The following WHAMM variants were observed in gnomAD, a reference collection of about 807,000 sequenced individuals.
WHAMM encodes the protein WASP homolog associated with actin, golgi membranes and microtubules, also known as WASP homolog-associated protein with actin, membranes and microtubules.
Under a neutral mutation model 76.5 loss-of-function variants are expected in WHAMM, and 67 were observed. The ratio of observed to expected loss-of-function variants is 0.88; its 90% CI spans 0.72 to 1.07. The LOEUF (loss-of-function observed/expected upper bound fraction) is 1.07, where lower values mean the gene tolerates loss of function less well. Ranked by LOEUF, WHAMM falls within the 50% of genes least tolerant of loss-of-function variation. The probability of loss-of-function intolerance (pLI) is 0.00; values close to 1 mark genes in which losing one functional copy is unlikely to be tolerated. For missense variants in WHAMM, 1,021 were observed against 1,051.1 expected, an observed-to-expected ratio of 0.97 and a Z score of 0.40; for synonymous variants, 419 against 422.1, an observed-to-expected ratio of 0.99 and a Z score of 0.09.
intron 5 of WHAMM, among the ~76,000 whole-genome samples, chr15:82,820,248 C>T (rs2050796267): frequency 6.6e-6 from 1 of 152,056 alleles, no homozygotes; most frequent in Admixed American, 6.5e-5. Context: ...ATAATAGTCT[C>T]TTTTTCATTT....
rs1450468927 is a variant in WHAMM at position 82,830,895 on chromosome 15, ACCACCACCGCCGCCACCG to A, written c.1941_1958del (p.Pro653_Pro658del). ...TGCCACCACCTCCTCCTCCTCCACC[ACCACCACCGCCGCCACCG>A]CCGCCCCCACCCCCTCCTCTCCGTG... On this transcript the variant is annotated inframe_deletion, in exon 9 of 10. Transcript: ENST00000286760. 1.3e-6 allele frequency: 2 copies of A among 1,524,530 alleles called. No homozygotes were observed. Among genetic ancestry groups the A allele is most frequent in the East Asian group, 5.0e-5 (2 of 40,158 alleles). 94.4% of individuals were successfully genotyped at this position (1,524,530 alleles called of 1,614,324 possible).
intron 9 of WHAMM, 140 bp from the exon 10 acceptor site, chr15:82,833,089 C>A (rs1243628431): frequency 6.9e-6 from 7 of 1,012,124 alleles, no homozygotes; most frequent in Non-Finnish European, 9.9e-6. Context: ...AGCACGTAAT[C>A]AAGGCATTTG....
intron 6 of WHAMM, among the ~76,000 whole-genome samples, chr15:82,825,756 C>G (rs2050919536): frequency 1.3e-5 from 2 of 151,436 alleles, no homozygotes; most frequent in African/African-American, 2.4e-5. Context: ...CCACTGCACT[C>G]CAGCCTGGGC....
intron 8 of WHAMM, among the ~76,000 whole-genome samples, chr15:82,828,885 A>G (rs1232149626): frequency 1.3e-5 from 2 of 152,202 alleles, no homozygotes; most frequent in Non-Finnish European, 2.9e-5. Flanking sequence ...AGTTTCCTTC[A>G]GTTTAATGAG....
At chr15:82,815,842 G>T (rs2050717994) in intron 2 of WHAMM, among the ~76,000 whole-genome samples, 2 of 152,142 alleles carry the variant, frequency 1.3e-5, no homozygotes, top group South Asian at 2.1e-4. Context: ...AGGCTTTGTA[G>T]AAGAAAAATT....
At position 82,810,337 on chromosome 15, in the gene WHAMM, TA is replaced by T; in HGVS notation, c.609+4del. The T allele has an allele frequency of 7.6e-7, 1 of 1,309,224 alleles. No homozygotes were observed. The highest frequency in any genetic ancestry group is 9.7e-7 in the Non-Finnish European group (1 of 1,034,532). 81.1% of individuals were successfully genotyped at this position (1,309,224 alleles called of 1,614,324 possible). A position where few individuals can be genotyped will look rare whatever the true frequency, so the allele number is the denominator to read the frequency against. Reference sequence around the variant, plus strand: ...GAGGCGGACGCGCGGCTGCGCCAGGTAAGCGAGGCCCGGTCGCCGGCGTTCG... The same window carrying T: ...GAGGCGGACGCGCGGCTGCGCCAGGTAGCGAGGCCCGGTCGCCGGCGTTCG... On this transcript the variant is annotated splice_donor_region_variant and intron_variant, in intron 1 of 9. Transcript: ENST00000286760.
rs773299150 is a variant in WHAMM at position 82,830,869 on chromosome 15, C to T, written c.1912C>T (p.Leu638=). The change falls in exon 9 of 10, where the codon CTG becomes TTG. Residue 638 remains leucine, a synonymous_variant. Coordinates refer to ENST00000286760, the MANE Select transcript of WHAMM (RefSeq NM_001080435.3). ...TTCCAAATCCAGTGAGGAATTGTCA[C>T]TGCCACCACCTCCTCCTCCTCCACC... is the stretch of plus-strand genomic sequence containing the variant. The part of the protein sequence containing the change: ...THSKSSEELS[L]PPPPPPPPPP... 23 of 1,581,716 alleles carry T rather than the reference C, an allele frequency of 1.5e-5. No homozygotes were observed. Among genetic ancestry groups the T allele is most frequent in the Admixed American group, 1.3e-4 (7 of 54,048 alleles).
At chr15:82,812,300 C>T (rs980468315) in intron 1 of WHAMM, among the ~76,000 whole-genome samples, 2 of 152,174 alleles carry the variant, frequency 1.3e-5, no homozygotes, top group African/African-American at 4.8e-5. Flanking sequence ...GCCATCTTGG[C>T]TTACTGCAAC....
intron 2 of WHAMM, among the ~76,000 whole-genome samples, chr15:82,814,253 G>C (rs1359834108): frequency 2.6e-5 from 4 of 152,126 alleles, no homozygotes; most frequent in Admixed American, 2.6e-4. Flanking sequence ...AGACACCTAA[G>C]ATGTCTCTTG....
At chr15:82,822,901 T>C (rs1347895432) in intron 5 of WHAMM, among the ~76,000 whole-genome samples, 199 bp from the exon 6 acceptor site, 2 of 147,242 alleles carry the variant, frequency 1.4e-5, no homozygotes, top group African/African-American at 5.1e-5. Flanking sequence ...ACACACATGC[T>C]ACTTACATAC....
chr15:82,831,987 C>G (rs1219907366), intron 9 of WHAMM, among the ~76,000 whole-genome samples: 3 of 152,172 alleles, frequency 2.0e-5, no homozygotes, highest in East Asian at 1.9e-4. Flanking sequence ...TACCTAGAAC[C>G]AGGTACAAAT....
At chr15:82,813,422 G>C (rs1248537819) in intron 2 of WHAMM, 146 bp downstream of exon 2, 5 of 923,196 alleles carry the variant, frequency 5.4e-6, no homozygotes, top group Non-Finnish European at 7.7e-6. Context: ...TGATAGAGAT[G>C]AGGTTTTGCC....
chr15:82,818,032 A>G lies in WHAMM; in HGVS notation c.1047A>G (p.Gln349=), dbSNP rs2050755713. ...LQLMLARETL[Q]LMRAKELCLN... is the part of the protein sequence containing the mutation. Reference sequence around the variant, plus strand: ...TAATGCTAGCTCGAGAGACTCTGCAACTCATGAGAGCGAAAGAGTTGTGTT... The same window carrying G: ...TAATGCTAGCTCGAGAGACTCTGCAGCTCATGAGAGCGAAAGAGTTGTGTT... Residue 349 remains glutamine (Q), a synonymous_variant, in exon 4 of 10, where the codon CAA becomes CAG. Transcript: ENST00000286760. The G allele has an allele frequency of 3.9e-6, 6 of 1,550,942 alleles. No individual in the cohort carries two copies. The East Asian group carries it at 1.2e-4, about 31-fold the overall frequency.
intron 2 of WHAMM, among the ~76,000 whole-genome samples, chr15:82,816,204 A>G (rs2137052): frequency 0.15 from 22,907 of 152,192 alleles, 1,924 homozygotes; most frequent in South Asian, 0.34. Context: ...AGGCTTCAAC[A>G]TATGCATTTT....
rs371095351 is a variant in WHAMM at position 82,833,295 on chromosome 15, C to T, written c.2189C>T (p.Pro730Leu). Residue 730 changes from proline to leucine, a missense_variant, in exon 10 of 10, where the codon CCG becomes CTG. This residue lies in a region of WHAMM where 509 missense variants were observed against 492.3 expected (regional missense o/e 1.03). Coordinates refer to ENST00000286760, the MANE Select transcript of WHAMM (RefSeq NM_001080435.3). The part of the protein sequence containing the change: ...GRAPLRKVEV[P>L]AVRPPHASIN... ...GCTCCTCTCCGGAAGGTGGAAGTGC[C>T]GGCGGTGCGCCCTCCCCACGCCTCA... 262 of 1,613,962 alleles carry T rather than the reference C, an allele frequency of 1.6e-4. No homozygotes were observed. The highest frequency in any genetic ancestry group is 6.5e-4 in the South Asian group (59 of 91,068).
intron 9 of WHAMM, among the ~76,000 whole-genome samples, chr15:82,831,362 A>G (rs180896658): frequency 1.3e-5 from 2 of 152,316 alleles, no homozygotes; most frequent in Admixed American, 6.5e-5. Flanking sequence ...TAAAGTATCA[A>G]CCTATTTGAA....
chr15:82,828,738 C>A (rs1172684194), intron 8 of WHAMM, among the ~76,000 whole-genome samples: 1 of 152,132 alleles, frequency 6.6e-6, no homozygotes, highest in Non-Finnish European at 1.5e-5. Flanking sequence ...ATTAGTTAAA[C>A]GCTAACAAGT....
intron 8 of WHAMM, among the ~76,000 whole-genome samples, chr15:82,829,705 G>A (rs79686483): frequency 1.3e-5 from 2 of 151,964 alleles, no homozygotes; most frequent in Non-Finnish European, 2.9e-5. Flanking sequence ...TGCATGGGGG[G>A]GGTGTGTGTG....
intron 2 of WHAMM, among the ~76,000 whole-genome samples, chr15:82,814,619 T>A (rs966870855): frequency 6.6e-5 from 10 of 150,454 alleles, no homozygotes; most frequent in East Asian, 4.0e-4. Flanking sequence ...CCCAGCTAAT[T>A]TTGTATTTTT....
Sources: allele counts gnomAD v4.1 joint callset (sites outside exome capture counted in the v4.1 genomes callset), GRCh38; gene constraint gnomAD v4.1.1; regional missense constraint gnomAD v4.1.1; transcripts MANE v1.5; gene names NCBI Gene and HGNC (gene_info 2026-07-23, HGNC 2026-07-21).